The following TARBP1 variants were observed in gnomAD, a reference collection of about 807,000 sequenced individuals.
TARBP1 encodes the protein tRNA (guanosine(18)-2'-O)-methyltransferase TARBP1.
A neutral mutation model predicts 178.6 loss-of-function variants in TARBP1; 144 were observed. The ratio of observed to expected loss-of-function variants is 0.81; its 90% confidence interval spans 0.70 to 0.93. The LOEUF is 0.93. Among genes scored for constraint, TARBP1 ranks in the 40% least tolerant of loss-of-function variants. TARBP1 has a pLI of 0.00. For synonymous variants in TARBP1, 787 were observed against 781.0 expected, an observed-to-expected ratio of 1.01 and a Z score of -0.13; for missense variants, 2,067 against 2,011.7, an observed-to-expected ratio of 1.03 and a Z score of -0.53.
intron 11 of TARBP1, among the ~76,000 whole-genome samples, chr1:234,448,162 C>T (rs186381701): frequency 6.6e-6 from 1 of 152,350 alleles, no homozygotes; most frequent in African/African-American, 2.4e-5. Context: ...TGGCCTCAAA[C>T]TCCTGACCTC....
intron 9 of TARBP1, among the ~76,000 whole-genome samples, chr1:234,451,588 A>G (rs1666764281): frequency 1.3e-5 from 1 of 77,452 alleles, no homozygotes; most frequent in South Asian, 4.0e-4. Flanking sequence ...CTCTACTAAA[A>G]ATACAAAAAA....
intron 15 of TARBP1, 112 bp from the exon 16 acceptor site, chr1:234,429,789 T>C: frequency 8.4e-7 from 1 of 1,191,108 alleles, no homozygotes; most frequent in Non-Finnish European, 1.2e-6. Flanking sequence ...AGTGTACAGA[T>C]ATAAATGGTC....
chr1:234,440,912 G>A (rs1665525257), intron 12 of TARBP1, among the ~76,000 whole-genome samples: 1 of 152,186 alleles, frequency 6.6e-6, no homozygotes, highest in Non-Finnish European at 1.5e-5. Flanking sequence ...GGCCAGGCGT[G>A]GTGGCTCATA....
chr1:234,427,486 A>C (rs1663908448), intron 18 of TARBP1, 90 bp downstream of exon 18: 1 of 1,442,934 alleles, frequency 6.9e-7, no homozygotes, highest in South Asian at 1.3e-5. Context: ...ATATTCTTTT[A>C]ATTGAAAGCC....
intron 14 of TARBP1, among the ~76,000 whole-genome samples, chr1:234,431,818 TTAC>T (rs1664456902): frequency 6.6e-6 from 1 of 152,208 alleles, no homozygotes; most frequent in African/African-American, 2.4e-5. Context: ...GTGCTCTTCA[TTAC>T]TAAGCCTTAT....
chr1:234,448,937 G>T (rs903090075), intron 10 of TARBP1, among the ~76,000 whole-genome samples: 1 of 152,146 alleles, frequency 6.6e-6, no homozygotes, highest in Non-Finnish European at 1.5e-5. Context: ...TGGTGCTAGT[G>T]GAGTCTACAC....
chr1:234,459,356 C>T (rs756294054), intron 7 of TARBP1, 30 bp from the exon 8 acceptor site: 17 of 1,514,972 alleles, frequency 1.1e-5, no homozygotes, highest in African/African-American at 4.2e-5. Flanking sequence ...AATGCAGTTC[C>T]GTATTCCCAA....
At chr1:234,473,278 CAA>C (rs1669246522) in intron 1 of TARBP1, among the ~76,000 whole-genome samples, 1 of 152,154 alleles carries the variant, frequency 6.6e-6, no homozygotes, top group Admixed American at 6.5e-5. Flanking sequence ...GAAGTGGCTG[CAA>C]AAGTTACTCT....
chr1:234,402,202 T>C (rs1333149014), intron 24 of TARBP1, among the ~76,000 whole-genome samples: 1 of 152,264 alleles, frequency 6.6e-6, no homozygotes, highest in African/African-American at 2.4e-5. Flanking sequence ...AAAGCAAGTT[T>C]ACTGGAGTTT....
intron 4 of TARBP1, among the ~76,000 whole-genome samples, 175 bp downstream of exon 4, chr1:234,467,327 T>C (rs1273690460): frequency 6.6e-6 from 1 of 152,210 alleles, no homozygotes; most frequent in Non-Finnish European, 1.5e-5. Context: ...AGTTCTACCG[T>C]TGGGCTTGTT....
intron 12 of TARBP1, among the ~76,000 whole-genome samples, chr1:234,445,624 T>TA (rs1203149742): frequency 6.6e-6 from 1 of 152,072 alleles, no homozygotes; most frequent in East Asian, 1.9e-4. Flanking sequence ...ATAAAGTAGT[T>TA]AAAAAAATAT....
At chr1:234,421,868 T>C (rs1314111111) in intron 20 of TARBP1, among the ~76,000 whole-genome samples, 1 of 152,248 alleles carries the variant, frequency 6.6e-6, no homozygotes, top group Non-Finnish European at 1.5e-5. Flanking sequence ...ATAGTGTAGA[T>C]GATCCTCATC....
chr1:234,445,810 GGATA>G (rs1666108621), intron 12 of TARBP1, among the ~76,000 whole-genome samples: 1 of 74,584 alleles, frequency 1.3e-5, no homozygotes, highest in Non-Finnish European at 2.8e-5. Context: ...TTTATATATA[GGATA>G]TATATAACTT....
intron 25 of TARBP1, 57 bp downstream of exon 25, chr1:234,401,123 AG>A: frequency 7.1e-7 from 1 of 1,400,520 alleles, no homozygotes; most frequent in Non-Finnish European, 1.0e-6. Context: ...AAAAGCAGAA[AG>A]GAAGCATCAG....
chr1:234,463,989 C>T (rs1316295259), intron 5 of TARBP1, 55 bp from the exon 6 acceptor site: 1 of 1,185,120 alleles, frequency 8.4e-7, no homozygotes, highest in Non-Finnish European at 1.2e-6. Flanking sequence ...CAAGTGATTA[C>T]ACTAAAACTA....
chr1:234,450,397 T>C (rs766541973), intron 10 of TARBP1, 31 bp downstream of exon 10: 4 of 1,539,390 alleles, frequency 2.6e-6, no homozygotes, highest in African/African-American at 2.8e-5. Context: ...ATTTTGGTTA[T>C]ATCAATCCAT....
At position 234,398,532 on chromosome 1, in the gene TARBP1, G is replaced by A. The variant is rs369680698; in HGVS notation, c.4093C>T (p.Arg1365Cys). 5.5e-5 allele frequency: 88 copies of A among 1,590,488 alleles called. 1 individual carries two copies. The highest frequency in any genetic ancestry group is 2.4e-4 in the Admixed American group (14 of 58,734). ...CLETIFYILPRLSGLIEDEWI... is the reference protein window; with the variant it reads ...CLETIFYILPCLSGLIEDEWI... ...TCATCTTCAATAAGGCCTGAAAGGC[G>A]TGGAAGGATGTAAAATATGGTCTGA... Residue 1365 changes from arginine to cysteine, a missense_variant, in exon 26 of 30, where the codon CGC becomes TGC. Physicochemically the swap from Arg to Cys is radical, Grantham distance 180. Transcript: ENST00000040877.
chr1:234,446,652 T>TATATAATTATATAATTTCTTAAC (rs1489006628), intron 12 of TARBP1, 151 bp downstream of exon 12: 1 of 296,866 alleles, frequency 3.4e-6, no homozygotes, highest in East Asian at 1.0e-4. Flanking sequence ...AATTTCTTAA[T>TATATAATTATATAATTTCTTAAC]ATATAATTAT....
At chr1:234,418,336 T>C (rs1662678421) in intron 21 of TARBP1, 103 bp from the exon 22 acceptor site, 1 of 1,023,892 alleles carries the variant, frequency 9.8e-7, no homozygotes, top group Non-Finnish European at 1.4e-6. Context: ...TCATAAGTAA[T>C]TTATTGGATC....
Sources: gnomAD v4.1 joint callset for allele counts (sites outside exome capture counted in the v4.1 genomes callset) on GRCh38, gnomAD v4.1.1 for gene constraint, MANE v1.5 for transcripts, NCBI Gene and HGNC (gene_info 2026-07-23, HGNC 2026-07-21) for gene names.